Variants in LNX1 observed in about 807,000 individuals in gnomAD.
LNX1 encodes E3 ubiquitin-protein ligase LNX.
Under a neutral mutation model 68.4 loss-of-function variants are expected in LNX1, and 54 were observed. That is an observed-to-expected ratio of 0.79 (90% CI 0.63 to 0.99). The LOEUF (loss-of-function observed/expected upper bound fraction) is 0.99, where lower values mean the gene tolerates loss of function less well. Among genes scored for constraint, LNX1 ranks in the 50% least tolerant of loss-of-function variants. LNX1 has a pLI of 0.00. For missense variants in LNX1, 906 were observed against 926.4 expected, an observed-to-expected ratio of 0.98 and a Z score of 0.29; for synonymous variants, 336 against 350.0, an observed-to-expected ratio of 0.96 and a Z score of 0.45.
intron 2 of LNX1, among the ~76,000 whole-genome samples, chr4:53,535,293 C>T (rs2109635176): frequency 6.6e-6 from 1 of 152,278 alleles, no homozygotes. Flanking sequence ...AGCCATGACT[C>T]TTTTAGTCCT....
At chr4:53,622,774 T>C (rs1733936064) in intron 1 of LNX1, among the ~76,000 whole-genome samples, 2 of 152,162 alleles carry the variant, frequency 1.3e-5, no homozygotes, top group Non-Finnish European at 2.9e-5. Context: ...GCTGGAAAGA[T>C]GAGAATAAGA....
intron 2 of LNX1, among the ~76,000 whole-genome samples, chr4:53,563,196 AAAAT>A (rs1360012071): frequency 6.6e-6 from 1 of 152,204 alleles, no homozygotes; most frequent in Non-Finnish European, 1.5e-5. Flanking sequence ...ATTCCAACTC[AAAAT>A]AAATAAATAA....
chr4:53,626,963 C>A (rs532397324), intron 1 of LNX1, among the ~76,000 whole-genome samples: 1 of 152,286 alleles, frequency 6.6e-6, no homozygotes, highest in Admixed American at 6.5e-5. Flanking sequence ...TCATCATACA[C>A]CTTTGACAAA....
chr4:53,644,426 A>G (rs1734805178), intron 1 of LNX1, among the ~76,000 whole-genome samples: 1 of 152,170 alleles, frequency 6.6e-6, no homozygotes, highest in South Asian at 2.1e-4. Context: ...AAACAAAAAC[A>G]AAACAAACAA....
At chr4:53,479,472 A>G (rs1261407184) in intron 7 of LNX1, among the ~76,000 whole-genome samples, 1 of 152,198 alleles carries the variant, frequency 6.6e-6, no homozygotes, top group African/African-American at 2.4e-5. Flanking sequence ...GCATGTGTGC[A>G]TGTGTCCTGT....
At chr4:53,572,541 T>TA (rs1197989748) in intron 2 of LNX1, among the ~76,000 whole-genome samples, 1 of 152,050 alleles carries the variant, frequency 6.6e-6, no homozygotes, top group Admixed American at 6.6e-5. Flanking sequence ...ATGTGACCTT[T>TA]AAAAAAAATA....
chr4:53,546,104 G>A (rs1729101443), intron 2 of LNX1, among the ~76,000 whole-genome samples: 2 of 151,896 alleles, frequency 1.3e-5, no homozygotes, highest in East Asian at 3.9e-4. Context: ...ACTGCACTGG[G>A]CCAGAGGCCA....
rs567999337 is a variant in LNX1 at position 53,584,039 on chromosome 4, GA to G, written c.-87+7348del. Among the ~76,000 whole-genome samples, 9 of 152,256 alleles carry G rather than the reference GA, an allele frequency of 5.9e-5. No individual in the cohort carries two copies. The South Asian group carries it at 1.7e-3, about 28-fold the overall frequency. ...TCTGTTCATGCTAGGAGTCACCAAG[GA>G]TCCCGGGAAGAGCTGATATCAGAGG... On this transcript the variant is annotated intron_variant, in intron 1 of 10. Coordinates refer to ENST00000263925, the MANE Select transcript of LNX1 (RefSeq NM_001126328.3).
chr4:53,492,595 A>G (rs1724776671), intron 6 of LNX1, among the ~76,000 whole-genome samples: 1 of 144,752 alleles, frequency 6.9e-6, no homozygotes, highest in Non-Finnish European at 1.5e-5. Flanking sequence ...TCTGCTGTGC[A>G]TAGAGTAGGA....
chr4:53,476,849 TC>T lies in LNX1; in HGVS notation c.1795del (p.Glu599LysfsTer56), dbSNP rs1490829585. ...ALEVKEYEPQEDCSSPAALDS... is the reference protein window; with the variant it reads ...ALEVKEYEPQXDCSSPAALDS... ...CAGGGCTGCTGGGCTGCTGCAGTCT[TC>T]CTGGGGCTCATACTCTTTGACTTCC... On this transcript the variant is annotated frameshift_variant, in exon 9 of 11. Transcript: ENST00000263925. LOFTEE classifies it high-confidence loss of function. 6.2e-7 allele frequency: 1 copy of T among 1,614,200 alleles called. No individual in the cohort carries two copies.
At chr4:53,462,089 C>T (rs1291270860) in intron 9 of LNX1, among the ~76,000 whole-genome samples, 1 of 152,100 alleles carries the variant, frequency 6.6e-6, no homozygotes, top group Non-Finnish European at 1.5e-5. Context: ...TACCACTTTA[C>T]ACCCAGTGCT....
chr4:53,562,977 G>C (rs1225389869), intron 2 of LNX1, among the ~76,000 whole-genome samples: 1 of 152,268 alleles, frequency 6.6e-6, no homozygotes, highest in East Asian at 1.9e-4. Flanking sequence ...TTGGGAGGCC[G>C]AGACGGATCA....
chr4:53,553,552 G>T lies in LNX1; in HGVS notation c.380+20071C>A, dbSNP rs201764158. 2.1e-3 allele frequency among the ~76,000 whole-genome samples: 317 copies of T among 152,296 alleles called. 4 individuals are homozygous for T. Among genetic ancestry groups the T allele is most frequent in the African/African-American group, 7.5e-3 (313 of 41,566 alleles). ...AGGGCTGTAAATATAGGGCCAGAAA[G>T]ATGAGAAGGCTGTTTCCATGCTCAT... On this transcript the variant is annotated intron_variant, in intron 2 of 10. Coordinates refer to ENST00000263925, the MANE Select transcript of LNX1 (RefSeq NM_001126328.3).
chr4:53,610,442 T>C (rs542493884), intron 2 of LNX1, among the ~76,000 whole-genome samples: 33 of 152,194 alleles, frequency 2.2e-4, no homozygotes, highest in African/African-American at 7.9e-4. Flanking sequence ...CTGCGGTGGC[T>C]CAAGCCTGTA....
intron 2 of LNX1, among the ~76,000 whole-genome samples, chr4:53,544,886 C>A (rs534207804): frequency 1.6e-3 from 237 of 152,302 alleles, no homozygotes; most frequent in African/African-American, 5.4e-3. Flanking sequence ...ACACAGCCAG[C>A]AATTGGCAGG....
chr4:53,464,109 TGA>T (rs1422610985), intron 9 of LNX1, among the ~76,000 whole-genome samples: 1 of 152,142 alleles, frequency 6.6e-6, no homozygotes, highest in Non-Finnish European at 1.5e-5. Flanking sequence ...TTGAGCTCTG[TGA>T]GAGCAGAAAA....
In LNX1 at chr4:53,472,685, C is replaced by CAAA. The variant is rs1309297098; in HGVS notation, c.1892+4065_1892+4067dup. Among the ~76,000 whole-genome samples, 39 of 74,756 alleles carry CAAA rather than the reference C, an allele frequency of 5.2e-4. 1 individual carries two copies. The highest frequency in any genetic ancestry group is 1.8e-3 in the South Asian group (3 of 1,678). 49.0% of individuals were successfully genotyped at this position (74,756 alleles called of 152,430 possible). On this transcript the variant is annotated intron_variant, in intron 9 of 10. Coordinates refer to ENST00000263925, the MANE Select transcript of LNX1 (RefSeq NM_001126328.3). The stretch of plus-strand genomic sequence containing the variant: ...TATTCAACAACAACAACAACAACAA[C>CAAA]AAAAAAAAAAAAAACAAAAAACAAT...
chr4:53,570,512 T>A (rs1317853686), intron 2 of LNX1, among the ~76,000 whole-genome samples: 2 of 85,338 alleles, frequency 2.3e-5, no homozygotes, highest in East Asian at 7.7e-4. Context: ...TGGGGACTGT[T>A]GTGGGGTGGG....
chr4:53,498,557 A>C, intron 5 of LNX1, 84 bp downstream of exon 5: 2 of 912,038 alleles, frequency 2.2e-6, no homozygotes, highest in South Asian at 2.8e-5. Flanking sequence ...TCCCTCATTC[A>C]TCCATCCATC....
Sources: gnomAD v4.1 joint callset for allele counts (sites outside exome capture counted in the v4.1 genomes callset) on GRCh38, gnomAD v4.1.1 for gene constraint, MANE v1.5 for transcripts, NCBI Gene and HGNC (gene_info 2026-07-23, HGNC 2026-07-21) for gene names.